The following INPP5D variants were observed in gnomAD, a reference collection of about 807,000 sequenced individuals.
The protein encoded by INPP5D is phosphatidylinositol 3,4,5-trisphosphate 5-phosphatase 1.
A neutral mutation model predicts 122.9 loss-of-function variants in INPP5D; 33 were observed. The observed-to-expected ratio is 0.27, with a 90% confidence interval of 0.20 to 0.36. The LOEUF (loss-of-function observed/expected upper bound fraction) is 0.36, where lower values mean the gene tolerates loss of function less well. Ranked by LOEUF, INPP5D falls within the 10% of genes least tolerant of loss-of-function variation. The pLI, the probability that INPP5D is intolerant of heterozygous loss-of-function variation, is 1.00. For synonymous variants in INPP5D, 584 were observed against 576.2 expected (o/e 1.01, Z -0.19); for missense variants, 1,053 against 1,412.7 (o/e 0.75, Z 4.08).
At chr2:233,145,947 G>A (rs1005251892) in intron 6 of INPP5D, 8 of 687,760 alleles carry the variant, frequency 1.2e-5, no homozygotes, top group Non-Finnish European at 2.1e-5. Flanking sequence ...AGATTTACAG[G>A]GAAGAAGAAA....
chr2:233,077,023 C>T (rs1691537584), intron 1 of INPP5D, among the ~76,000 whole-genome samples: 2 of 152,138 alleles, frequency 1.3e-5, no homozygotes, highest in Admixed American at 6.5e-5. Flanking sequence ...AGTGATTTAC[C>T]TACAATCACT....
At chr2:233,157,222 C>T (rs1241060245) in intron 9 of INPP5D, among the ~76,000 whole-genome samples, 2 of 152,120 alleles carry the variant, frequency 1.3e-5, no homozygotes, top group East Asian at 1.9e-4. Flanking sequence ...ACCTGGGGTC[C>T]AAGAAATGGG....
At chr2:233,083,480 C>T (rs1480556098) in intron 2 of INPP5D, among the ~76,000 whole-genome samples, 3 of 152,184 alleles carry the variant, frequency 2.0e-5, no homozygotes, top group Non-Finnish European at 4.4e-5. Flanking sequence ...AGGGTTGGGG[C>T]AGTGCTCTGA....
intron 2 of INPP5D, among the ~76,000 whole-genome samples, chr2:233,097,088 C>T (rs140920991): frequency 3.0e-4 from 46 of 152,246 alleles, no homozygotes; most frequent in African/African-American, 9.4e-4. Flanking sequence ...TAGCCAACAC[C>T]GTATTAAATA....
chr2:233,143,952 G>GGTGATGGTGAGGGTGGAGATGGTGGTA (rs1693680662), intron 6 of INPP5D, among the ~76,000 whole-genome samples: 2 of 151,808 alleles, frequency 1.3e-5, no homozygotes, highest in South Asian at 4.2e-4. Flanking sequence ...TGGTGGTGAT[G>GGTGATGGTGAGGGTGGAGATGGTGGTA]GTGATGGTGA....
chr2:233,130,553 T>C lies in INPP5D; in HGVS notation c.570T>C (p.Thr190=), dbSNP rs867429033. ...AGGCCATCCAAGATTATTTAAGCAC[T>C]CAGCTCGCCCAGGACTCTGAATTTG... The part of the protein sequence containing the change: ...HLKAIQDYLS[T]QLAQDSEFVK... Residue 190 remains threonine (T), a synonymous_variant, in exon 5 of 27, where the codon ACT becomes ACC. Transcript: ENST00000445964. 1.9e-6 allele frequency: 3 copies of C among 1,614,028 alleles called. No homozygotes were observed. The highest frequency in any genetic ancestry group is 2.7e-5 in the African/African-American group (2 of 75,066).
chr2:233,130,381 T>C lies in INPP5D; in HGVS notation c.525-127T>C, dbSNP rs113634501. The C allele has an allele frequency of 8.3e-3, 8,586 of 1,029,250 alleles. 52 individuals are homozygous for C. Among genetic ancestry groups the C allele is most frequent in the Middle Eastern group, 0.013 (59 of 4,654 alleles). 63.8% of individuals were successfully genotyped at this position (1,029,250 alleles called of 1,614,324 possible). ...CTTCGTCCAGGTTTGCAAACATTCT[T>C]CTGAAGGACGGTGTCCCCTTGGAGG... On this transcript the variant is annotated intron_variant, in intron 4 of 26. Transcript: ENST00000445964.
intron 10 of INPP5D, 62 bp from the exon 11 acceptor site, chr2:233,161,662 G>T (rs1694201877): frequency 6.6e-7 from 1 of 1,508,514 alleles, no homozygotes; most frequent in Admixed American, 2.3e-5. Flanking sequence ...CAAGTCCTTT[G>T]CAAAGTGTAA....
At chr2:233,081,045 C>T (rs1373751935) in intron 2 of INPP5D, among the ~76,000 whole-genome samples, 1 of 152,216 alleles carries the variant, frequency 6.6e-6, no homozygotes, top group Non-Finnish European at 1.5e-5. Flanking sequence ...GCCTCTAAGG[C>T]ACATCTGCTG....
chr2:233,113,301 T>A (rs1461491600), intron 2 of INPP5D, among the ~76,000 whole-genome samples: 3 of 152,112 alleles, frequency 2.0e-5, no homozygotes, highest in Admixed American at 2.0e-4. Context: ...TCCTGCAACC[T>A]GACCACCTCC....
chr2:233,184,395 T>C lies in INPP5D; in HGVS notation c.2162-13T>C. On this transcript the variant is annotated splice_polypyrimidine_tract_variant and intron_variant, in intron 19 of 26. Coordinates refer to ENST00000445964, the MANE Select transcript of INPP5D (RefSeq NM_001017915.3). ...ACATTGTGGAACTGAATCCGTGTTCTCCCCTGTTCCAGGTCCCGGGACTGT... is the reference window on the plus strand; with the variant it reads ...ACATTGTGGAACTGAATCCGTGTTCCCCCCTGTTCCAGGTCCCGGGACTGT... 2 of 1,613,514 alleles carry C rather than the reference T, an allele frequency of 1.2e-6. No homozygotes were observed. Among genetic ancestry groups the C allele is most frequent in the Non-Finnish European group, 1.7e-6 (2 of 1,179,726 alleles).
chr2:233,094,920 C>G (rs1361947829), intron 2 of INPP5D, among the ~76,000 whole-genome samples: 3 of 152,154 alleles, frequency 2.0e-5, no homozygotes, highest in Admixed American at 2.0e-4. Flanking sequence ...TTCTCCCACC[C>G]CTAATTTGTC....
chr2:233,204,789 T>TATGCATATGTGTGTGTGCACGC, intron 26 of INPP5D, 72 bp downstream of exon 26: 1 of 1,395,148 alleles, frequency 7.2e-7, no homozygotes, highest in Non-Finnish European at 9.4e-7. Flanking sequence ...TGTGTGTACC[T>TATGCATATGTGTGTGTGCACGC]ATGCATATGT....
chr2:233,141,731 T>C (rs1399898197), intron 6 of INPP5D: 1 of 152,180 alleles, frequency 6.6e-6, no homozygotes, highest in Non-Finnish European at 1.5e-5. Context: ...CAGGATGATA[T>C]AGAAACTCTG....
rs535187954 is a variant in INPP5D, at chr2:233,192,289, C to T, written c.2447-1523C>T. On this transcript the variant is annotated intron_variant, in intron 22 of 26. Coordinates refer to ENST00000445964, the MANE Select transcript of INPP5D (RefSeq NM_001017915.3). ...CCTGTATTTCTGCGACACGGCAAGA[C>T]CATGTCTTTAAAAATAATATACTGT... is the stretch of plus-strand genomic sequence containing the variant. Among the ~76,000 whole-genome samples, 50 of 152,284 alleles carry T rather than the reference C, an allele frequency of 3.3e-4. No homozygotes were observed. The South Asian group carries it at 7.5e-3, about 23-fold the overall frequency.
chr2:233,110,681 G>A (rs1333189412), intron 2 of INPP5D, among the ~76,000 whole-genome samples: 1 of 152,182 alleles, frequency 6.6e-6, no homozygotes, highest in Non-Finnish European at 1.5e-5. Context: ...CATCACTTTG[G>A]GAAGCTGAGG....
intron 8 of INPP5D, among the ~76,000 whole-genome samples, 174 bp from the exon 9 acceptor site, chr2:233,147,297 G>A (rs190955794): frequency 1.3e-5 from 2 of 152,326 alleles, no homozygotes; most frequent in Admixed American, 6.5e-5. Context: ...GTGATTCCCG[G>A]GAGACGCCTG....
intron 23 of INPP5D, among the ~76,000 whole-genome samples, chr2:233,195,051 C>T (rs1695147660): frequency 6.6e-6 from 1 of 152,222 alleles, no homozygotes; most frequent in African/African-American, 2.4e-5. Context: ...CTGCCTCGGC[C>T]TCCCAAAGTG....
Position 233,182,362 on chromosome 2 carries a change from G to A in INPP5D, c.2072-48G>A, listed in dbSNP as rs371197931. 143 of 1,609,358 alleles carry A rather than the reference G, an allele frequency of 8.9e-5. 1 individual carries two copies. Among genetic ancestry groups the A allele is most frequent in the Middle Eastern group, 3.3e-4 (2 of 6,056 alleles). The stretch of plus-strand genomic sequence containing the variant: ...TAGGGTTGCCATCCTTGGCCTGACC[G>A]GAAGGGCTTCTCCTTCCCTGCTTAA... On this transcript the variant is annotated intron_variant, in intron 18 of 26. Transcript: ENST00000445964.
Sources: allele counts gnomAD v4.1 joint callset (sites outside exome capture counted in the v4.1 genomes callset), GRCh38; gene constraint gnomAD v4.1.1; transcripts MANE v1.5; gene names NCBI Gene and HGNC (gene_info 2026-07-23, HGNC 2026-07-21).